Variants in CTNND2 observed in about 807,000 individuals in gnomAD.
CTNND2 encodes the protein catenin delta 2.
A neutral mutation model predicts 144.4 loss-of-function variants in CTNND2; 22 were observed. The observed-to-expected ratio is 0.15, with a 90% CI of 0.11 to 0.22. CTNND2 has a LOEUF of 0.22. CTNND2 is among the 10% of genes least tolerant of loss of function. The probability of loss-of-function intolerance (pLI) is 1.00; values close to 1 mark genes in which losing one functional copy is unlikely to be tolerated. For missense variants in CTNND2, 1,353 were observed against 1,618.8 expected (o/e 0.84, Z 2.82); for synonymous variants, 751 against 695.6 (o/e 1.08, Z -1.25).
chr5:11,674,247 G>T (rs1329122531), intron 2 of CTNND2, among the ~76,000 whole-genome samples: 1 of 152,070 alleles, frequency 6.6e-6, no homozygotes, highest in Non-Finnish European at 1.5e-5. Flanking sequence ...TTATAGCAAG[G>T]TTAAAAGACA....
At chr5:11,132,497 T>C (rs1397363477) in intron 12 of CTNND2, among the ~76,000 whole-genome samples, 2 of 152,176 alleles carry the variant, frequency 1.3e-5, no homozygotes, top group Non-Finnish European at 2.9e-5. Context: ...CTCTTTCCGC[T>C]GTGTGAAGAC....
chr5:11,259,436 T>A lies in CTNND2; in HGVS notation c.1629-22613A>T, dbSNP rs542867764. ...AGCAGTTTCACCTGCCTGCACCAGA[T>A]TGTGCCATCCTGGACATCCAGCCCT... On this transcript the variant is annotated intron_variant, in intron 9 of 21. Coordinates refer to ENST00000304623, the MANE Select transcript of CTNND2 (RefSeq NM_001332.4). Among the ~76,000 whole-genome samples the A allele has an allele frequency of 5.3e-5, 8 of 152,230 alleles. No individual in the cohort carries two copies. In the South Asian group the frequency reaches 1.7e-3, roughly 32 times the overall value.
chr5:11,008,890 G>A (rs187053539), intron 18 of CTNND2, among the ~76,000 whole-genome samples: 4 of 152,120 alleles, frequency 2.6e-5, no homozygotes, highest in Admixed American at 2.0e-4. Context: ...TTTGGGGGTG[G>A]CAGGCCTGGT....
intron 12 of CTNND2, among the ~76,000 whole-genome samples, chr5:11,124,075 C>T (rs1315635476): frequency 2.0e-5 from 3 of 152,118 alleles, no homozygotes; most frequent in Non-Finnish European, 4.4e-5. Flanking sequence ...CATGTAATTA[C>T]CTGCTCAGAA....
intron 16 of CTNND2, among the ~76,000 whole-genome samples, chr5:11,060,961 C>CTT (rs5865916): frequency 3.3e-5 from 5 of 151,562 alleles, no homozygotes; most frequent in African/African-American, 1.2e-4. Context: ...CTTTAACTAT[C>CTT]TTTTTTTTTC....
intron 1 of CTNND2, among the ~76,000 whole-genome samples, chr5:11,876,955 G>A (rs773691630): frequency 6.6e-6 from 1 of 152,126 alleles, no homozygotes; most frequent in East Asian, 1.9e-4. Context: ...AAATTTGTAA[G>A]TAAATATTAT....
chr5:11,585,435 A>G (rs1274600471), intron 2 of CTNND2, among the ~76,000 whole-genome samples: 1 of 151,866 alleles, frequency 6.6e-6, no homozygotes, highest in African/African-American at 2.4e-5. Flanking sequence ...CTAACACACT[A>G]TATTTATTTA....
At chr5:11,258,105 G>C (rs183574322) in intron 9 of CTNND2, among the ~76,000 whole-genome samples, 1 of 152,160 alleles carries the variant, frequency 6.6e-6, no homozygotes, top group Non-Finnish European at 1.5e-5. Flanking sequence ...CCTGAGTGCC[G>C]TGTTGGCAGG....
intron 1 of CTNND2, among the ~76,000 whole-genome samples, chr5:11,817,438 A>G (rs867781084): frequency 3.2e-4 from 30 of 94,414 alleles, no homozygotes; most frequent in African/African-American, 5.8e-4. Flanking sequence ...AGAGAGAGAG[A>G]GAGAGAGAGA....
chr5:11,603,022 T>C (rs1256211863), intron 2 of CTNND2, among the ~76,000 whole-genome samples: 3 of 151,992 alleles, frequency 2.0e-5, no homozygotes, highest in African/African-American at 7.2e-5. Flanking sequence ...AATAGGTTGG[T>C]AATTTAAAAG....
intron 10 of CTNND2, among the ~76,000 whole-genome samples, chr5:11,229,057 C>T (rs570806423): frequency 5.3e-5 from 8 of 152,300 alleles, no homozygotes; most frequent in Admixed American, 3.3e-4. Context: ...ATATATAAGA[C>T]AGCTGAAGCT....
At chr5:11,681,959 G>T (rs13167573) in intron 2 of CTNND2, among the ~76,000 whole-genome samples, 15,715 of 151,606 alleles carry the variant, frequency 0.1, 982 homozygotes, top group African/African-American at 0.16. Context: ...TGAGATGACT[G>T]GCCTTCTGAC....
intron 9 of CTNND2, among the ~76,000 whole-genome samples, chr5:11,287,989 T>A (rs944291343): frequency 6.6e-6 from 1 of 152,244 alleles, no homozygotes; most frequent in African/African-American, 2.4e-5. Flanking sequence ...ATGTGTATTA[T>A]AATTTACAAT....
intron 9 of CTNND2, among the ~76,000 whole-genome samples, chr5:11,249,055 A>G (rs1468955070): frequency 1.3e-5 from 2 of 152,244 alleles, no homozygotes; most frequent in African/African-American, 4.8e-5. Flanking sequence ...GTCAGCCTCT[A>G]GTACCAAACA....
chr5:11,852,787 G>T (rs1226328390), intron 1 of CTNND2, among the ~76,000 whole-genome samples: 1 of 152,148 alleles, frequency 6.6e-6, no homozygotes, highest in African/African-American at 2.4e-5. Flanking sequence ...CTTGTTCATA[G>T]AAGACCCAAT....
At chr5:11,248,022 T>C (rs6554621) in intron 9 of CTNND2, among the ~76,000 whole-genome samples, 47,156 of 151,928 alleles carry the variant, frequency 0.31, 7,720 homozygotes, top group African/African-American at 0.4. Flanking sequence ...AAATACAAAT[T>C]AGTGTCCATA....
intron 11 of CTNND2, among the ~76,000 whole-genome samples, chr5:11,199,026 T>G (rs1041759497): frequency 6.6e-6 from 1 of 152,246 alleles, no homozygotes; most frequent in Non-Finnish European, 1.5e-5. Flanking sequence ...ATATTTCATT[T>G]AAAAAATTAA....
At chr5:11,409,542 G>A (rs1362496633) in intron 5 of CTNND2, among the ~76,000 whole-genome samples, 1 of 151,850 alleles carries the variant, frequency 6.6e-6, no homozygotes, top group Admixed American at 6.6e-5. Context: ...TTTATTTTTA[G>A]TAACATTTGT....
At chr5:11,140,880 G>C (rs989159508) in intron 12 of CTNND2, among the ~76,000 whole-genome samples, 2 of 152,120 alleles carry the variant, frequency 1.3e-5, no homozygotes, top group Non-Finnish European at 2.9e-5. Flanking sequence ...GCTCTGGGTT[G>C]GAAGGTAAGA....
Sources: gnomAD v4.1 joint callset for allele counts (sites outside exome capture counted in the v4.1 genomes callset) on GRCh38, gnomAD v4.1.1 for gene constraint, MANE v1.5 for transcripts, NCBI Gene and HGNC (gene_info 2026-07-23, HGNC 2026-07-21) for gene names.